ANK3: variants seen among roughly 807,000 people sequenced by gnomAD.
ANK3 encodes the protein ankyrin 3.
Under a neutral mutation model 370.9 loss-of-function variants are expected in ANK3, and 57 were observed. That is an observed-to-expected ratio of 0.15 (90% CI 0.12 to 0.19). The LOEUF (loss-of-function observed/expected upper bound fraction) is 0.19, where lower values mean the gene tolerates loss of function less well. ANK3 is among the 10% of genes least tolerant of loss of function. The pLI, the probability that ANK3 is intolerant of heterozygous loss-of-function variation, is 1.00. For synonymous variants in ANK3, 1,929 were observed against 1,946.3 expected, an observed-to-expected ratio of 0.99 and a Z score of 0.23; for missense variants, 4,439 against 5,302.1, an observed-to-expected ratio of 0.84 and a Z score of 5.06.
At chr10:60,432,188 G>A (rs1019955304) in intron 2 of ANK3, among the ~76,000 whole-genome samples, 6 of 152,106 alleles carry the variant, frequency 3.9e-5, no homozygotes, top group Admixed American at 6.5e-5. Context: ...CAGGAATTTG[G>A]GGCTGCATCA....
At position 60,068,970 on chromosome 10, in the gene ANK3, T is replaced by A; in HGVS notation, c.11911A>T (p.Thr3971Ser). ...TTTTTATTTT[T>S]TTTTTTTSCT... ...CTGGTGGTGGTGGTAGTGGTGGTAG[T>A]GGTGGTGGTGGTGGCAGTGGTGGTG... is the stretch of plus-strand genomic sequence containing the variant. Residue 3971 changes from threonine to serine, a missense_variant, in exon 37 of 44, where the codon ACT becomes TCT. Physicochemically the swap from Thr to Ser is moderately conservative, Grantham distance 58. Transcript: ENST00000280772. The A allele has an allele frequency of 6.2e-7, 1 of 1,610,282 alleles. No individual in the cohort carries two copies. The highest frequency in any genetic ancestry group is 1.1e-5 in the South Asian group (1 of 90,918).
At chr10:60,572,148 GA>G (rs1021308249) in intron 2 of ANK3, among the ~76,000 whole-genome samples, 5 of 151,998 alleles carry the variant, frequency 3.3e-5, no homozygotes, top group African/African-American at 4.8e-5. Context: ...ATTTAAAGGA[GA>G]AAAAAACACA....
chr10:60,590,833 A>G (rs2393674), intron 2 of ANK3, among the ~76,000 whole-genome samples: 103,474 of 152,150 alleles, frequency 0.68, 35,848 homozygotes, highest in South Asian at 0.88. Flanking sequence ...TTGTTAAACT[A>G]TATTGGTTTT....
At chr10:60,552,593 G>C (rs2077112312) in intron 2 of ANK3, among the ~76,000 whole-genome samples, 1 of 152,190 alleles carries the variant, frequency 6.6e-6, no homozygotes, top group African/African-American at 2.4e-5. Flanking sequence ...CAATATGTGA[G>C]ATTTGAACTG....
chr10:60,563,112 A>C (rs2133252284), intron 2 of ANK3, among the ~76,000 whole-genome samples: 1 of 152,356 alleles, frequency 6.6e-6, no homozygotes, highest in African/African-American at 2.4e-5. Context: ...ATCACAATTC[A>C]TTAAATTCAC....
chr10:60,652,831 A>G (rs1442207166), intron 1 of ANK3, among the ~76,000 whole-genome samples: 1 of 152,126 alleles, frequency 6.6e-6, no homozygotes, highest in East Asian at 1.9e-4. Context: ...AAACTATACT[A>G]CAGAAAGACT....
At chr10:60,299,967 A>C (rs1202833528) in intron 1 of ANK3, among the ~76,000 whole-genome samples, 1 of 152,214 alleles carries the variant, frequency 6.6e-6, no homozygotes, top group Non-Finnish European at 1.5e-5. Context: ...TTTCTCTTGA[A>C]AAAAGTGCAA....
At chr10:60,217,868 A>T (rs2096966426) in intron 8 of ANK3, among the ~76,000 whole-genome samples, 1 of 152,156 alleles carries the variant, frequency 6.6e-6, no homozygotes, top group Non-Finnish European at 1.5e-5. Flanking sequence ...AAAGTCTCCC[A>T]CTATTATGGT....
intron 43 of ANK3, among the ~76,000 whole-genome samples, chr10:60,037,848 T>C (rs541844981): frequency 2.4e-4 from 37 of 152,384 alleles, no homozygotes; most frequent in South Asian, 2.1e-3. Flanking sequence ...GTTCTGTTTT[T>C]AGCTCTTTGA....
At position 60,085,186 on chromosome 10, in the gene ANK3, A is replaced by G. The variant is rs2132017440; in HGVS notation, c.3816T>C (p.Cys1272=). The change falls in exon 31 of 44, where the codon TGT becomes TGC. Residue 1272 remains cysteine (C), a synonymous_variant. Coordinates refer to ENST00000280772, the MANE Select transcript of ANK3 (RefSeq NM_020987.5). ...GTTPLTFIKD[C]VSFTTNVSAR... ...CTGAAACATTGGTTGTAAAGGAGAC[A>G]CAATCTTTTATAAACGTCAAAGGAG... 1 of 1,613,170 alleles carries G rather than the reference A, an allele frequency of 6.2e-7. No homozygotes were observed. Among genetic ancestry groups the G allele is most frequent in the Non-Finnish European group, 8.5e-7 (1 of 1,179,576 alleles).
At chr10:60,399,400 G>A (rs927222423) in intron 2 of ANK3, among the ~76,000 whole-genome samples, 1 of 152,050 alleles carries the variant, frequency 6.6e-6, no homozygotes, top group Non-Finnish European at 1.5e-5. Context: ...CTCCCACCAC[G>A]CATGCACAAA....
intron 23 of ANK3, among the ~76,000 whole-genome samples, chr10:60,150,231 C>T (rs1188832606): frequency 6.6e-6 from 1 of 152,110 alleles, no homozygotes; most frequent in African/African-American, 2.4e-5. Flanking sequence ...CTGGCGTCTG[C>T]ACCCTTGTCC....
At chr10:60,351,719 A>C (rs2056902329) in intron 1 of ANK3, among the ~76,000 whole-genome samples, 1 of 152,206 alleles carries the variant, frequency 6.6e-6, no homozygotes, top group Non-Finnish European at 1.5e-5. Flanking sequence ...AAGACAAGTC[A>C]CAGGGAATTT....
chr10:60,500,089 AATT>A (rs2133140621), intron 2 of ANK3, among the ~76,000 whole-genome samples: 1 of 152,252 alleles, frequency 6.6e-6, no homozygotes, highest in East Asian at 1.9e-4. Context: ...CTGCTGCATC[AATT>A]ATTGAGCAGA....
At chr10:60,382,602 G>T (rs1322160967) in intron 1 of ANK3, among the ~76,000 whole-genome samples, 1 of 152,072 alleles carries the variant, frequency 6.6e-6, no homozygotes, top group Admixed American at 6.6e-5. Context: ...ATATGTGAAT[G>T]ATTCAAGCTT....
intron 7 of ANK3, among the ~76,000 whole-genome samples, chr10:60,243,694 T>C (rs377497091): frequency 6.6e-6 from 1 of 152,380 alleles, no homozygotes; most frequent in Non-Finnish European, 1.5e-5. Flanking sequence ...TTAGATGTTA[T>C]ATTATTTGTA....
rs544201420 is a variant in ANK3 at position 60,278,799 on chromosome 10, C to T, written c.389G>A (p.Gly130Glu). 15 of 1,613,706 alleles carry T rather than the reference C, an allele frequency of 9.3e-6. No homozygotes were observed. In the South Asian group the frequency reaches 1.6e-4, roughly 18 times the overall value. ...CTGAGATTGTGCATTGACATTGGCTCCATTTGTAACCAAGACTTTTACCAC... is the reference window on the plus strand; with the variant it reads ...CTGAGATTGTGCATTGACATTGGCTTCATTTGTAACCAAGACTTTTACCAC... Reference protein sequence around the residue: ...AEVVKVLVTNGANVNAQSQNG... With the variant: ...AEVVKVLVTNEANVNAQSQNG... Residue 130 changes from glycine (G) to glutamate (E), a missense_variant, in exon 4 of 44, where the codon GGA (glycine) becomes GAA (glutamate). Physicochemically the swap from Gly to Glu is moderately conservative, Grantham distance 98 (BLOSUM62 -2). Around this residue, in one of 13 missense-constraint regions of ANK3, gnomAD observed 136 missense variants for 230.5 expected, o/e 0.59. Transcript: ENST00000280772.
At chr10:60,683,166 G>A (rs1238179912) in intron 1 of ANK3, among the ~76,000 whole-genome samples, 2 of 152,156 alleles carry the variant, frequency 1.3e-5, no homozygotes, top group East Asian at 3.9e-4. Flanking sequence ...GGGGGTCTGA[G>A]AGCAGAGAAA....
chr10:60,224,504 C>T (rs2097108126), intron 8 of ANK3, among the ~76,000 whole-genome samples: 1 of 152,056 alleles, frequency 6.6e-6, no homozygotes, highest in South Asian at 2.1e-4. Flanking sequence ...GTTAAGGCAT[C>T]ACACCTAGGA....
Sources: allele counts gnomAD v4.1 joint callset (sites outside exome capture counted in the v4.1 genomes callset), GRCh38; gene constraint gnomAD v4.1.1; regional missense constraint gnomAD v4.1.1; transcripts MANE v1.5; gene names NCBI Gene and HGNC (gene_info 2026-07-23, HGNC 2026-07-21).